FAM120C: variants seen among roughly 807,000 people sequenced by gnomAD.
FAM120C encodes the protein family with sequence similarity 120 member C.
Under a neutral mutation model 71.2 loss-of-function variants are expected in FAM120C, and 14 were observed. The observed-to-expected ratio is 0.20, with a 90% CI of 0.13 to 0.31. The LOEUF (loss-of-function observed/expected upper bound fraction) is 0.31. Among genes scored for constraint, FAM120C ranks in the 10% least tolerant of loss-of-function variants. The pLI is 1.00. For missense variants in FAM120C, 500 were observed against 879.0 expected, an observed-to-expected ratio of 0.57 and a Z score of 5.45; for synonymous variants, 354 against 353.2, an observed-to-expected ratio of 1.00 and a Z score of -0.03.
Position 54,149,508 on chromosome X carries a change from G to A in FAM120C, c.1158+1737C>T, listed in dbSNP as rs782281580. Among the ~76,000 whole-genome samples, 6 of 110,672 alleles carry A rather than the reference G, an allele frequency of 5.4e-5. No individual in the cohort carries two copies. In the East Asian group the frequency reaches 1.7e-3, roughly 31 times the overall value. The stretch of plus-strand genomic sequence containing the variant: ...TAAAAAATTAGCCAGGCGTGGTGGC[G>A]GGCGCCTGTAATTCCAGCTACTCTG... On this transcript the variant is annotated intron_variant, in intron 4 of 15. Coordinates refer to ENST00000375180, the MANE Select transcript of FAM120C (RefSeq NM_017848.6).
chrX:54,088,818 G>A (rs1370092990), intron 11 of FAM120C, among the ~76,000 whole-genome samples: 1 of 109,962 alleles, frequency 9.1e-6, no homozygotes, highest in Non-Finnish European at 1.9e-5. Context: ...GGAGGCTGAG[G>A]TGGGTGGATC....
intron 10 of FAM120C, among the ~76,000 whole-genome samples, chrX:54,113,838 C>T (rs782789947): frequency 9.1e-6 from 1 of 110,307 alleles, no homozygotes; most frequent in African/African-American, 3.3e-5. Flanking sequence ...ACTGCTTGAA[C>T]CTGGGAGGCA....
chrX:54,129,743 T>G (rs1442247065), intron 9 of FAM120C, among the ~76,000 whole-genome samples: 2 of 111,904 alleles, frequency 1.8e-5, no homozygotes, highest in Non-Finnish European at 3.8e-5. Context: ...GAGCACTGAG[T>G]GAACGAGACT....
chrX:54,176,550 G>A lies in FAM120C; in HGVS notation c.699+5950C>T, dbSNP rs201788948. Among the ~76,000 whole-genome samples the A allele has an allele frequency of 5.4e-5, 6 of 110,769 alleles. No individual in the cohort carries two copies. In the East Asian group the frequency reaches 1.7e-3, roughly 31 times the overall value. On this transcript the variant is annotated intron_variant, in intron 1 of 15. Coordinates refer to ENST00000375180, the MANE Select transcript of FAM120C (RefSeq NM_017848.6). ...TAAATGAATATTGGTGAGGTACCTC[G>A]CCCATGTGGTAGCTATTATTACTAC...
chrX:54,115,999 T>G (rs1452829958), intron 10 of FAM120C, among the ~76,000 whole-genome samples: 1 of 111,348 alleles, frequency 9.0e-6, no homozygotes, highest in Non-Finnish European at 1.9e-5. Context: ...GAGAATCATT[T>G]GAACCCAGGA....
intron 10 of FAM120C, among the ~76,000 whole-genome samples, chrX:54,094,129 C>T (rs2066838141): frequency 1.2e-5 from 1 of 81,560 alleles, no homozygotes; most frequent in Admixed American, 1.9e-4. Context: ...CTCGCTCTGT[C>T]GCCCAGGATG....
chrX:54,173,271 G>A (rs183548485), intron 1 of FAM120C, among the ~76,000 whole-genome samples: 3 of 111,317 alleles, frequency 2.7e-5, no homozygotes, highest in Admixed American at 1.9e-4. Context: ...TTTTTGAGAC[G>A]GAGTTTCGCT....
At chrX:54,126,505 T>G (rs782565270) in intron 9 of FAM120C, among the ~76,000 whole-genome samples, 15 of 111,859 alleles carry the variant, frequency 1.3e-4, no homozygotes, top group Non-Finnish European at 2.4e-4. Flanking sequence ...TGAGTGAATT[T>G]TAGTGTATGT....
chrX:54,171,713 T>G (rs1557135980), intron 1 of FAM120C: 1 of 111,906 alleles, frequency 8.9e-6, no homozygotes. Context: ...AAAACAGCTG[T>G]TTAGAAATGT....
intron 7 of FAM120C, among the ~76,000 whole-genome samples, 163 bp downstream of exon 7, chrX:54,134,668 T>A (rs147356787): frequency 0.014 from 1,619 of 111,805 alleles, 13 homozygotes; most frequent in Middle Eastern, 0.037. Flanking sequence ...AAGCATGAAG[T>A]GGGCAAGCAT....
Position 54,134,033 on chromosome X carries a change from C to A in FAM120C, c.1630G>T (p.Ala544Ser), listed in dbSNP as rs2067081764. 8.3e-7 allele frequency: 1 copy of A among 1,209,307 alleles called. No individual in the cohort carries two copies. The highest frequency in any genetic ancestry group is 1.7e-5 in the African/African-American group (1 of 57,792). The change falls in exon 8 of 16, where the codon GCA becomes TCA. Residue 544 changes from alanine (A) to serine (S), a missense_variant. Physicochemically the swap from Ala to Ser is moderately conservative, Grantham distance 99 (BLOSUM62 1). This residue lies in a region of FAM120C where 85 missense variants were observed against 84.9 expected (regional missense o/e 1.00). Coordinates refer to ENST00000375180, the MANE Select transcript of FAM120C (RefSeq NM_017848.6). ...CCCCACTCAGGCTGGTGATGAAATG[C>A]TTCTGTGATATGACTAAAAAATGTA... Reference protein sequence around the residue: ...NGASSDHITEAFHHQPEWGNP... With the variant: ...NGASSDHITESFHHQPEWGNP...
At position 54,104,815 on chromosome X, in the gene FAM120C, G is replaced by GA. The variant is rs201711141; in HGVS notation, c.2312+11729dup. On this transcript the variant is annotated intron_variant, in intron 10 of 15. Coordinates refer to ENST00000375180, the MANE Select transcript of FAM120C (RefSeq NM_017848.6). ...CGAGCGAGACTCTGTCTCGGGGGGGGAAAAAAAAGAAAAAGAAAAAACCCC... is the reference window on the plus strand; with the variant it reads ...CGAGCGAGACTCTGTCTCGGGGGGGGAAAAAAAAAGAAAAAGAAAAAACCCC... Among the ~76,000 whole-genome samples the GA allele has an allele frequency of 5.3e-3, 570 of 108,315 alleles. 4 individuals are homozygous for GA. The highest frequency in any genetic ancestry group is 0.019 in the African/African-American group (555 of 29,766). 94.1% of individuals were successfully genotyped at this position (108,315 alleles called of 115,157 possible).
chrX:54,148,025 A>T (rs1057376434), intron 4 of FAM120C, among the ~76,000 whole-genome samples: 34 of 111,627 alleles, frequency 3.0e-4, no homozygotes, highest in Non-Finnish European at 2.3e-4. Context: ...AAATATTTTT[A>T]AAAAAGAGAA....
intron 1 of FAM120C, among the ~76,000 whole-genome samples, chrX:54,177,708 C>G (rs2067325982): frequency 9.0e-6 from 1 of 111,430 alleles, no homozygotes; most frequent in South Asian, 3.8e-4. Flanking sequence ...TAGGAATCAT[C>G]AGAATTTAAT....
intron 9 of FAM120C, among the ~76,000 whole-genome samples, chrX:54,124,427 C>T (rs1278888129): frequency 3.9e-5 from 2 of 51,831 alleles, no homozygotes; most frequent in African/African-American, 1.6e-4. Flanking sequence ...CGTGGTGCGC[C>T]GTTTCTTAAG....
chrX:54,100,161 C>T (rs1216000073), intron 10 of FAM120C, among the ~76,000 whole-genome samples: 4 of 109,665 alleles, frequency 3.6e-5, no homozygotes, highest in South Asian at 3.9e-4. Flanking sequence ...GCCTAGGCAA[C>T]GCAGTAAGGC....
intron 15 of FAM120C, 48 bp from the exon 16 acceptor site, chrX:54,073,335 TG>T: frequency 8.7e-7 from 1 of 1,153,853 alleles, no homozygotes; most frequent in Non-Finnish European, 1.2e-6. Context: ...CCAGACTGGC[TG>T]ACCCTTCCTA....
chrX:54,084,694 G>T (rs1557121729), intron 13 of FAM120C, among the ~76,000 whole-genome samples: 1 of 82,672 alleles, frequency 1.2e-5, no homozygotes, highest in African/African-American at 4.6e-5. Flanking sequence ...CCGGGCTGTG[G>T]ACAGAGGGAG....
intron 13 of FAM120C, among the ~76,000 whole-genome samples, chrX:54,082,555 C>A (rs2066771885): frequency 9.2e-6 from 1 of 108,810 alleles, no homozygotes; most frequent in Non-Finnish European, 1.9e-5. Context: ...ACTACAGGCA[C>A]ATGCCACCAT....
Sources: allele counts gnomAD v4.1 joint callset (sites outside exome capture counted in the v4.1 genomes callset), GRCh38; gene constraint gnomAD v4.1.1; regional missense constraint gnomAD v4.1.1; transcripts MANE v1.5; gene names NCBI Gene and HGNC (gene_info 2026-07-23, HGNC 2026-07-21).